CCNY: variants seen among roughly 807,000 people sequenced by gnomAD.
CCNY encodes the protein cyclin Y, also known as cyclin-Y.
Under a neutral mutation model 42.8 loss-of-function variants are expected in CCNY, and 19 were observed. The observed-to-expected ratio is 0.44, with a 90% confidence interval of 0.31 to 0.65. The LOEUF is 0.65. Among genes scored for constraint, CCNY ranks in the 30% least tolerant of loss-of-function variants. The pLI is 0.07. For missense variants in CCNY, 370 were observed against 437.3 expected (o/e 0.85, Z 1.37); for synonymous variants, 165 against 162.7 (o/e 1.01, Z -0.11).
chr10:35,465,225 AG>A (rs1273787878), intron 1 of CCNY, among the ~76,000 whole-genome samples: 1 of 152,076 alleles, frequency 6.6e-6, no homozygotes, highest in Middle Eastern at 3.2e-3. Flanking sequence ...TGGTAGGGCG[AG>A]TACTGTTCGT....
intron 1 of CCNY, among the ~76,000 whole-genome samples, chr10:35,469,078 G>T (rs1390976540): frequency 6.6e-6 from 1 of 152,222 alleles, no homozygotes; most frequent in East Asian, 1.9e-4. Context: ...AAGGGGGTTA[G>T]AATTCTTTAT....
At chr10:35,489,094 A>G (rs1336190960) in intron 2 of CCNY, among the ~76,000 whole-genome samples, 1 of 152,160 alleles carries the variant, frequency 6.6e-6, no homozygotes. Flanking sequence ...CCTGGCTAAC[A>G]GTGAAACCCT....
At chr10:35,295,173 A>G (rs1405202478) in intron 3 of CCNY, among the ~76,000 whole-genome samples, 1 of 151,978 alleles carries the variant, frequency 6.6e-6, no homozygotes, top group Non-Finnish European at 1.5e-5. Flanking sequence ...TAAATAAATA[A>G]AAGTTATCTA....
chr10:35,449,769 T>C, intron 1 of CCNY: 1 of 985,310 alleles, frequency 1.0e-6, no homozygotes, highest in Non-Finnish European at 1.2e-6. Flanking sequence ...GCAAGAAGGC[T>C]GCAGTGCTTC....
At chr10:35,460,094 G>A (rs563366625) in intron 1 of CCNY, among the ~76,000 whole-genome samples, 38 of 152,300 alleles carry the variant, frequency 2.5e-4, no homozygotes, top group Non-Finnish European at 4.6e-4. Context: ...TGGTGAGGTA[G>A]CATGGTGTCA....
chr10:35,366,687 C>G (rs1322796645), intron 1 of CCNY, among the ~76,000 whole-genome samples: 1 of 152,182 alleles, frequency 6.6e-6, no homozygotes, highest in Non-Finnish European at 1.5e-5. Context: ...TTGGAACTCA[C>G]TCTTTTTGTT....
At chr10:35,470,176 CAG>C (rs1474205052) in intron 1 of CCNY, among the ~76,000 whole-genome samples, 1 of 137,760 alleles carries the variant, frequency 7.3e-6, no homozygotes, top group Non-Finnish European at 1.6e-5. Context: ...GATGGAGAGA[CAG>C]AGAGGGAAAC....
upstream of CCNY, among the ~76,000 whole-genome samples, chr10:35,333,418 C>T (rs1835968849): frequency 6.6e-6 from 1 of 152,184 alleles, no homozygotes; most frequent in African/African-American, 2.4e-5. Flanking sequence ...TCCCCTCATC[C>T]CTTTCTCTGA....
At position 35,530,021 on chromosome 10, in the gene CCNY, C is replaced by T. The variant is rs151204027; in HGVS notation, c.450C>T (p.His150=). 5.5e-5 allele frequency: 88 copies of T among 1,614,116 alleles called. No homozygotes were observed. In the African/African-American group the frequency reaches 1.1e-3, roughly 21 times the overall value. ...TAGATATTTTTGATGAAAATCTTCA[C>T]CCTCTTTCGGTAATCTCCTCCGTGT... ...MLLDIFDENL[H]PLSKSEVPPD... is the part of the protein sequence containing the mutation. Residue 150 remains histidine, a synonymous_variant, in exon 6 of 10, where the codon CAC becomes CAT. Transcript: ENST00000374704. The surrounding 1 kb of genome is among the most constrained non-coding windows in gnomAD (Gnocchi z 4.3).
At chr10:35,297,070 G>A (rs552965017) in intron 3 of CCNY, among the ~76,000 whole-genome samples, 4 of 151,788 alleles carry the variant, frequency 2.6e-5, no homozygotes, top group Non-Finnish European at 4.4e-5. Context: ...CTGGCAAACT[G>A]AATCCAGTAG....
chr10:35,496,808 A>G (rs760264579), intron 2 of CCNY, among the ~76,000 whole-genome samples: 2 of 152,236 alleles, frequency 1.3e-5, no homozygotes, highest in South Asian at 2.1e-4. Flanking sequence ...TGAAAGTTGT[A>G]TTTTAAAGAG....
At chr10:35,468,246 C>A (rs1839310172) in intron 1 of CCNY, among the ~76,000 whole-genome samples, 1 of 152,198 alleles carries the variant, frequency 6.6e-6, no homozygotes, top group South Asian at 2.1e-4. Flanking sequence ...CATAAGGGCG[C>A]TAATCGCATT....
At chr10:35,419,290 T>A (rs1838103302) in intron 1 of CCNY, among the ~76,000 whole-genome samples, 1 of 152,170 alleles carries the variant, frequency 6.6e-6, no homozygotes, top group Non-Finnish European at 1.5e-5. Flanking sequence ...TAATGTGGTT[T>A]GATGTGAAGG....
rs140955784 is a variant in CCNY, at chr10:35,319,200, C to G, written c.-9+68574C>G. On this transcript the variant is annotated intron_variant, in intron 3 of 11. Transcript: ENST00000374706. ...GAACTCTTGGGTTCAAGCAAGCCAC[C>G]TCAACTGGCTAATACATATAGGAAT... Among the ~76,000 whole-genome samples the G allele has an allele frequency of 9.2e-5, 14 of 152,228 alleles. No individual in the cohort carries two copies. In the East Asian group the frequency reaches 2.7e-3, roughly 29 times the overall value.
At position 35,558,439 on chromosome 10, in the gene CCNY, A is replaced by AATTG. The variant is rs1841402812; in HGVS notation, c.746+5254_746+5255insATTG. On this transcript the variant is annotated intron_variant, in intron 8 of 9. Transcript: ENST00000374704. ...CATGCTTAGAGACACTTTCTGTACT[A>AATTG]TAAATTGAATGCATATCCCAGCTTG... is the stretch of plus-strand genomic sequence containing the variant. Among the ~76,000 whole-genome samples, 3 of 152,246 alleles carry AATTG rather than the reference A, an allele frequency of 2.0e-5. No individual in the cohort carries two copies. In the East Asian group the frequency reaches 5.8e-4, roughly 29 times the overall value.
At chr10:35,520,780 A>G (rs144214131) in intron 4 of CCNY, among the ~76,000 whole-genome samples, 1 of 152,186 alleles carries the variant, frequency 6.6e-6, no homozygotes, top group East Asian at 1.9e-4. Context: ...TGATTTTCCT[A>G]TTTTTCCCCT....
chr10:35,546,971 AGTC>A (rs1841128374), intron 7 of CCNY, among the ~76,000 whole-genome samples: 1 of 152,158 alleles, frequency 6.6e-6, no homozygotes, highest in Non-Finnish European at 1.5e-5. Context: ...ATTGAGTCAC[AGTC>A]TTCTTTTTCT....
At chr10:35,497,066 T>G (rs914303428) in intron 2 of CCNY, among the ~76,000 whole-genome samples, 1 of 152,198 alleles carries the variant, frequency 6.6e-6, no homozygotes, top group African/African-American at 2.4e-5. Context: ...TTAACTATCA[T>G]AGATTGTGTC....
At chr10:35,529,042 G>T (rs1019571403) in intron 5 of CCNY, among the ~76,000 whole-genome samples, 5 of 152,284 alleles carry the variant, frequency 3.3e-5, no homozygotes, top group Middle Eastern at 3.4e-3. Context: ...CACTCGTGAG[G>T]TACGGAGGGT....
Sources: gnomAD v4.1 joint callset for allele counts (sites outside exome capture counted in the v4.1 genomes callset) on GRCh38, gnomAD v4.1.1 for gene constraint, Gnocchi (gnomAD v3.1) non-coding constraint, MANE v1.5 for transcripts, NCBI Gene and HGNC (gene_info 2026-07-23, HGNC 2026-07-21) for gene names.